The following EGFR variants were observed in gnomAD, a reference collection of about 807,000 sequenced individuals.
The protein encoded by EGFR is avian erythroblastic leukemia viral (v-erb-b) oncogene homolog.
A neutral mutation model predicts 143.0 loss-of-function variants in EGFR; 58 were observed. That is an observed-to-expected ratio of 0.41 (90% CI 0.33 to 0.50). EGFR has a LOEUF of 0.50. EGFR is among the 20% of genes least tolerant of loss of function. EGFR has a pLI of 0.39. For missense variants in EGFR, 1,307 were observed against 1,579.0 expected (o/e 0.83, Z 2.92); for synonymous variants, 613 against 594.4 (o/e 1.03, Z -0.45).
At chr7:55,203,965 ATATGT>A (rs1787987213) in intron 27 of EGFR, among the ~76,000 whole-genome samples, 1 of 150,986 alleles carries the variant, frequency 6.6e-6, no homozygotes, top group Admixed American at 6.6e-5. Context: ...ATCTTTATAC[ATATGT>A]TATATGTATA....
At chr7:55,200,251 C>A in intron 23 of EGFR, 65 bp from the exon 24 acceptor site, 3 of 1,446,328 alleles carry the variant, frequency 2.1e-6, no homozygotes, top group Admixed American at 1.7e-5. Flanking sequence ...CTTCTTTAAG[C>A]AATGCCATCT....
intron 1 of EGFR, among the ~76,000 whole-genome samples, chr7:55,023,630 G>A (rs957804717): frequency 4.0e-4 from 49 of 122,936 alleles, no homozygotes; most frequent in African/African-American, 1.4e-3. Flanking sequence ...CAGCCCGCGC[G>A]ACAGTGTGAG....
rs539382584 is a variant in EGFR at position 55,023,314 on chromosome 7, T to C, written c.88+3949T>C. Among the ~76,000 whole-genome samples the C allele has an allele frequency of 1.1e-4, 17 of 152,314 alleles. No homozygotes were observed. The East Asian group carries it at 1.5e-3, about 14-fold the overall frequency. On this transcript the variant is annotated intron_variant, in intron 1 of 27. Transcript: ENST00000275493. Reference sequence around the variant, plus strand: ...GAGAAAATTTCAAAGTTTTAGAATATGGTTCACCCACATGTTGCTTCCCTG... The same window carrying C: ...GAGAAAATTTCAAAGTTTTAGAATACGGTTCACCCACATGTTGCTTCCCTG...
intron 1 of EGFR, among the ~76,000 whole-genome samples, chr7:55,086,066 GCTGA>G (rs1186087509): frequency 6.6e-6 from 1 of 151,730 alleles, no homozygotes; most frequent in Non-Finnish European, 1.5e-5. Context: ...TTTGTGAAGT[GCTGA>G]CTATGTGCCA....
chr7:55,032,898 G>A (rs189337412), intron 1 of EGFR, among the ~76,000 whole-genome samples: 1 of 152,272 alleles, frequency 6.6e-6, no homozygotes, highest in East Asian at 1.9e-4. Context: ...CCTTTGCAGG[G>A]TAAAGGGGAC....
At chr7:55,170,230 A>C in intron 15 of EGFR, 2 of 1,611,780 alleles carry the variant, frequency 1.2e-6, no homozygotes, top group Non-Finnish European at 1.7e-6. Context: ...AGAAACTGTT[A>C]GGATCAGATT....
intron 27 of EGFR, among the ~76,000 whole-genome samples, chr7:55,203,435 T>A (rs201555425): frequency 1.9e-5 from 1 of 53,284 alleles, no homozygotes; most frequent in East Asian, 7.0e-4. Context: ...CACAGACACG[T>A]ACACACACTA....
chr7:55,163,127 C>T (rs1031957278), intron 13 of EGFR, among the ~76,000 whole-genome samples: 7 of 152,212 alleles, frequency 4.6e-5, no homozygotes, highest in African/African-American at 7.2e-5. Context: ...ACTCCTTGTT[C>T]GCTGCTGGAG....
intron 1 of EGFR, among the ~76,000 whole-genome samples, chr7:55,024,724 A>G (rs1423745933): frequency 1.3e-5 from 2 of 152,140 alleles, no homozygotes; most frequent in East Asian, 3.9e-4. Flanking sequence ...AGTGATTTAC[A>G]CTGTTGCATC....
chr7:55,064,824 G>T (rs1008811207), intron 1 of EGFR, among the ~76,000 whole-genome samples: 1 of 152,158 alleles, frequency 6.6e-6, no homozygotes, highest in African/African-American at 2.4e-5. Flanking sequence ...GGGAATAAAA[G>T]AATGGTAAGT....
intron 20 of EGFR, among the ~76,000 whole-genome samples, chr7:55,186,576 G>T (rs192767987): frequency 2.8e-4 from 43 of 152,268 alleles, no homozygotes; most frequent in African/African-American, 7.2e-4. Flanking sequence ...ATTTGTTCTT[G>T]CGTATTCCAC....
Position 55,087,273 on chromosome 7 carries a change from T to TAAAAAAAA in EGFR, c.89-55010_89-55003dup, listed in dbSNP as rs373915835. The stretch of plus-strand genomic sequence containing the variant: ...TCACTTTAAGTAGTTTCTCAATTGT[T>TAAAAAAAA]AAAAAAAAAACAAAAAAAAAAAAAC... On this transcript the variant is annotated intron_variant, in intron 1 of 27. Transcript: ENST00000275493. Among the ~76,000 whole-genome samples, 126 of 102,102 alleles carry TAAAAAAAA rather than the reference T, an allele frequency of 1.2e-3. 4 individuals are homozygous for TAAAAAAAA. The highest frequency in any genetic ancestry group is 4.7e-3 in the African/African-American group (117 of 24,758). The allele number at this position is 102,102 out of a possible 152,430, so 67.0% of individuals were successfully genotyped here.
chr7:55,054,099 C>A (rs1274738701), intron 1 of EGFR, among the ~76,000 whole-genome samples: 1 of 151,858 alleles, frequency 6.6e-6, no homozygotes, highest in Non-Finnish European at 1.5e-5. Context: ...AAGAGGAAAG[C>A]CCTGCCTAAT....
intron 1 of EGFR, among the ~76,000 whole-genome samples, chr7:55,115,351 A>C (rs1325003033): frequency 6.6e-6 from 1 of 152,128 alleles, no homozygotes; most frequent in African/African-American, 2.4e-5. Context: ...TTTACATTTC[A>C]TTTTACCTGC....
intron 27 of EGFR, among the ~76,000 whole-genome samples, chr7:55,204,446 C>T (rs746598974): frequency 1.9e-4 from 28 of 150,714 alleles, no homozygotes; most frequent in Non-Finnish European, 3.0e-4. Context: ...ACACACACCA[C>T]ATATACACAC....
chr7:55,081,931 A>G (rs867745099), intron 1 of EGFR, among the ~76,000 whole-genome samples: 46 of 152,308 alleles, frequency 3.0e-4, no homozygotes, highest in African/African-American at 1.1e-3. Context: ...GCACACATAC[A>G]GCTGTATCTA....
At chr7:55,150,339 G>A (rs967272809) in intron 4 of EGFR, among the ~76,000 whole-genome samples, 15 of 152,100 alleles carry the variant, frequency 9.9e-5, no homozygotes, top group Admixed American at 2.0e-4. Context: ...TCCATCCCCC[G>A]CGGTCACTGT....
intron 1 of EGFR, among the ~76,000 whole-genome samples, chr7:55,101,598 A>G (rs4947491): frequency 0.67 from 101,736 of 152,068 alleles, 34,388 homozygotes; most frequent in East Asian, 0.9. Context: ...CGGGCACAGC[A>G]TTGGCTGAGG....
At chr7:55,173,803 C>T (rs770009828) in intron 17 of EGFR, 118 bp from the exon 18 acceptor site, 8 of 1,536,548 alleles carry the variant, frequency 5.2e-6, no homozygotes, top group Non-Finnish European at 7.2e-6. Context: ...AGTGCCGTGT[C>T]CTGGCACCCA....
Sources: gnomAD v4.1 joint callset for allele counts (sites outside exome capture counted in the v4.1 genomes callset) on GRCh38, gnomAD v4.1.1 for gene constraint, MANE v1.5 for transcripts, NCBI Gene and HGNC (gene_info 2026-07-23, HGNC 2026-07-21) for gene names.